CYRIA: variants seen among roughly 807,000 people sequenced by gnomAD.
CYRIA encodes the protein CYFIP-related Rac1 interactor A.
Under a neutral mutation model 43.9 loss-of-function variants are expected in CYRIA, and 15 were observed. The ratio of observed to expected loss-of-function variants is 0.34; its 90% CI spans 0.23 to 0.53. The LOEUF (loss-of-function observed/expected upper bound fraction) is 0.53, where lower values mean the gene tolerates loss of function less well. Ranked by LOEUF, CYRIA falls within the 20% of genes least tolerant of loss-of-function variation. CYRIA has a pLI of 0.94. For synonymous variants in CYRIA, 117 were observed against 136.0 expected (o/e 0.86, Z 0.97); for missense variants, 236 against 394.2 (o/e 0.60, Z 3.40).
intron 1 of CYRIA, among the ~76,000 whole-genome samples, chr2:16,628,251 C>T (rs897601937): frequency 6.6e-6 from 1 of 152,176 alleles, no homozygotes; most frequent in Non-Finnish European, 1.5e-5. Flanking sequence ...AAAAATGATA[C>T]CAACTCTGAG....
intron 2 of CYRIA, among the ~76,000 whole-genome samples, chr2:16,616,205 C>T (rs942109405): frequency 2.6e-5 from 4 of 152,224 alleles, no homozygotes; most frequent in African/African-American, 9.6e-5. Context: ...TCTACATCTC[C>T]CTCCTCCTGA....
chr2:16,656,095 G>A (rs1488750204), intron 1 of CYRIA, among the ~76,000 whole-genome samples: 5 of 152,050 alleles, frequency 3.3e-5, no homozygotes, highest in Non-Finnish European at 5.9e-5. Flanking sequence ...GAGAGTGCCT[G>A]GCAGATTCCT....
At chr2:16,555,264 G>T (rs768082949) in intron 10 of CYRIA, 125 bp from the exon 11 acceptor site, 150 of 905,692 alleles carry the variant, frequency 1.7e-4, no homozygotes, top group Non-Finnish European at 2.2e-4. Context: ...ACGCAGAAAT[G>T]ACCAACAGGT....
At chr2:16,641,809 G>A (rs538115832) in intron 1 of CYRIA, among the ~76,000 whole-genome samples, 2 of 152,190 alleles carry the variant, frequency 1.3e-5, no homozygotes, top group East Asian at 3.9e-4. Context: ...GGGTGGGCTG[G>A]GGGTGAGAGC....
At chr2:16,604,249 G>A (rs1668301254) in intron 2 of CYRIA, among the ~76,000 whole-genome samples, 1 of 152,214 alleles carries the variant, frequency 6.6e-6, no homozygotes, top group African/African-American at 2.4e-5. Flanking sequence ...GATTTTAGGA[G>A]GGCAATTAAG....
chr2:16,565,683 A>C lies in CYRIA; in HGVS notation c.155T>G (p.Leu52Arg). ...TGGGCCTGCGCCTTTGTAAGCCTGC[A>C]GGTCTGCAAGGATGCTCTCAGAATC... ...LQDSESILAD[L>R]QAYKGAGPEI... Residue 52 changes from leucine (L) to arginine (R), a missense_variant, in exon 4 of 12, where the codon CTG (leucine) becomes CGG (arginine). By Grantham distance (102) the Leu-to-Arg change is moderately radical. Transcript: ENST00000381323. 6.3e-7 allele frequency: 1 copy of C among 1,588,694 alleles called. No homozygotes were observed. Among genetic ancestry groups the C allele is most frequent in the Non-Finnish European group, 8.6e-7 (1 of 1,160,558 alleles).
At chr2:16,632,355 C>G (rs971273474) in intron 1 of CYRIA, among the ~76,000 whole-genome samples, 2 of 152,196 alleles carry the variant, frequency 1.3e-5, no homozygotes, top group African/African-American at 2.4e-5. Context: ...ATAGAATGCT[C>G]CTGTTCAAAC....
chr2:16,611,946 A>G (rs942945564), intron 2 of CYRIA, among the ~76,000 whole-genome samples: 2 of 152,150 alleles, frequency 1.3e-5, no homozygotes, highest in Admixed American at 6.5e-5. Context: ...CTCTGAAAGT[A>G]GTTTCCTGCC....
At chr2:16,662,258 T>C (rs1670277127) in intron 1 of CYRIA, among the ~76,000 whole-genome samples, 1 of 152,160 alleles carries the variant, frequency 6.6e-6, no homozygotes, top group Non-Finnish European at 1.5e-5. Context: ...TGTACCATGG[T>C]TTTAAGGGGA....
rs558754588 is a variant in CYRIA at position 16,641,766 on chromosome 2, T to C, written c.-166-17747A>G. On this transcript the variant is annotated intron_variant, in intron 1 of 11. Transcript: ENST00000381323. ...CAGGAGATGCAGCAACATAAGCAGA[T>C]CATGCCATGATGGCATGCAAAGGAG... Among the ~76,000 whole-genome samples, 4 of 152,238 alleles carry C rather than the reference T, an allele frequency of 2.6e-5. No homozygotes were observed. The South Asian group carries it at 8.3e-4, about 32-fold the overall frequency.
At chr2:16,639,329 T>G (rs1669604638) in intron 1 of CYRIA, among the ~76,000 whole-genome samples, 1 of 152,260 alleles carries the variant, frequency 6.6e-6, no homozygotes, top group African/African-American at 2.4e-5. Flanking sequence ...CACAAAGCTC[T>G]TCCTGAATCT....
At chr2:16,657,649 A>G (rs1218619743) in intron 1 of CYRIA, among the ~76,000 whole-genome samples, 1 of 152,134 alleles carries the variant, frequency 6.6e-6, no homozygotes, top group Non-Finnish European at 1.5e-5. Context: ...TGTCATCTGG[A>G]CTTTGCCGAC....
Position 16,577,312 on chromosome 2 carries a change from C to A in CYRIA, c.70+10738G>T, listed in dbSNP as rs1389683076. Among the ~76,000 whole-genome samples, 6 of 151,958 alleles carry A rather than the reference C, an allele frequency of 3.9e-5. No homozygotes were observed. In the South Asian group the frequency reaches 1.2e-3, roughly 32 times the overall value. ...TATACATACTATATATTAGATGATA[C>A]AAAATAATGTTAATTTAGATATATA... is the stretch of plus-strand genomic sequence containing the variant. On this transcript the variant is annotated intron_variant, in intron 3 of 11. Coordinates refer to ENST00000381323, the MANE Select transcript of CYRIA (RefSeq NM_030797.4).
intron 1 of CYRIA, among the ~76,000 whole-genome samples, chr2:16,664,941 T>C (rs1297439861): frequency 6.6e-6 from 1 of 151,880 alleles, no homozygotes; most frequent in Non-Finnish European, 1.5e-5. Flanking sequence ...CCCAAAACAG[T>C]GGCTGGGGGA....
intron 3 of CYRIA, among the ~76,000 whole-genome samples, chr2:16,587,737 C>T (rs867522023): frequency 1.6e-4 from 25 of 152,018 alleles, no homozygotes; most frequent in Middle Eastern, 6.8e-3. Flanking sequence ...AGGAGTTTCA[C>T]GAGATCTGAT....
Position 16,649,748 on chromosome 2 carries a change from G to T in CYRIA, c.-167+16032C>A, listed in dbSNP as rs548124988. ...GGGATGGCTATACAGCACAGGGCAC[G>T]GTTGTACAGTACAGGGCATGGTTAT... On this transcript the variant is annotated intron_variant, in intron 1 of 11. Transcript: ENST00000381323. Among the ~76,000 whole-genome samples the T allele has an allele frequency of 8.0e-4, 120 of 150,766 alleles. 1 individual carries two copies. Among genetic ancestry groups the T allele is most frequent in the African/African-American group, 2.9e-3 (118 of 40,988 alleles).
chr2:16,551,919 T>C lies in CYRIA; in HGVS notation c.*1017A>G, dbSNP rs563920401. 2 of 152,248 alleles carry C rather than the reference T, an allele frequency of 1.3e-5. No homozygotes were observed. The highest frequency in any genetic ancestry group is 2.1e-4 in the South Asian group (1 of 4,828). The allele number at this position is 152,248 out of a possible 1,614,324, so 9.4% of individuals were successfully genotyped here. On this transcript the variant is annotated 3_prime_UTR_variant, in exon 12 of 12. Transcript: ENST00000381323. ...GCTAGCAACGGGGTTGGGGAAGAGCTACTTTTTAAAAACCTGGGAAATAGA... is the reference window on the plus strand; with the variant it reads ...GCTAGCAACGGGGTTGGGGAAGAGCCACTTTTTAAAAACCTGGGAAATAGA...
At chr2:16,605,373 A>T (rs1417491202) in intron 2 of CYRIA, among the ~76,000 whole-genome samples, 1 of 152,230 alleles carries the variant, frequency 6.6e-6, no homozygotes, top group Non-Finnish European at 1.5e-5. Context: ...GGAAGCAATC[A>T]AACTGGGCTC....
intron 3 of CYRIA, among the ~76,000 whole-genome samples, chr2:16,577,673 G>A (rs1667398530): frequency 6.6e-6 from 1 of 152,230 alleles, no homozygotes; most frequent in African/African-American, 2.4e-5. Flanking sequence ...GAAGTGTCAT[G>A]AAAGCTGAGA....
Sources: allele counts gnomAD v4.1 joint callset (sites outside exome capture counted in the v4.1 genomes callset), GRCh38; gene constraint gnomAD v4.1.1; transcripts MANE v1.5; gene names NCBI Gene and HGNC (gene_info 2026-07-23, HGNC 2026-07-21).